The following CNTNAP3 variants were observed in gnomAD, a reference collection of about 807,000 sequenced individuals.
CNTNAP3 encodes the protein contactin associated protein family member 3, also known as contactin-associated protein-like 3.
Under a neutral mutation model 92.1 loss-of-function variants are expected in CNTNAP3, and 36 were observed. The observed-to-expected ratio is 0.39, with a 90% CI of 0.30 to 0.52. The LOEUF (loss-of-function observed/expected upper bound fraction) is 0.52, where lower values mean the gene tolerates loss of function less well. Among genes scored for constraint, CNTNAP3 ranks in the 20% least tolerant of loss-of-function variants. The probability of loss-of-function intolerance (pLI) is 0.76; values close to 1 mark genes in which losing one functional copy is unlikely to be tolerated. For missense variants in CNTNAP3, 534 were observed against 1,069.6 expected, an observed-to-expected ratio of 0.50 and a Z score of 6.98; for synonymous variants, 232 against 422.3, an observed-to-expected ratio of 0.55 and a Z score of 5.53.
At position 39,079,418 on chromosome 9, in the gene CNTNAP3, A is replaced by T. The variant is rs533457326; in HGVS notation, c.3443-498T>A. 5.9e-3 allele frequency among the ~76,000 whole-genome samples: 824 copies of T among 140,442 alleles called. 11 individuals carry two copies. The South Asian group carries it at 0.084, about 14-fold the overall frequency. The allele number at this position is 140,442 out of a possible 152,430, so 92.1% of individuals were successfully genotyped here. ...ACTGTATCTTTTGTCATCAGATAAT[A>T]TCCCTCTTTATCTCATTTAAGATTC... On this transcript the variant is annotated intron_variant, in intron 21 of 23. Coordinates refer to ENST00000297668, the MANE Select transcript of CNTNAP3 (RefSeq NM_033655.5).
At chr9:39,133,234 GA>G (rs1001896185) in intron 12 of CNTNAP3, 99 bp from the exon 13 acceptor site, 4 of 1,398,808 alleles carry the variant, frequency 2.9e-6, no homozygotes, top group Non-Finnish European at 3.9e-6. Flanking sequence ...ACGTTTAATT[GA>G]AATTTACATT....
At chr9:39,136,297 A>G (rs1399077384) in intron 12 of CNTNAP3, among the ~76,000 whole-genome samples, 1 of 152,062 alleles carries the variant, frequency 6.6e-6, no homozygotes, top group Non-Finnish European at 1.5e-5. Flanking sequence ...ATCATATGAA[A>G]TCCCCAGCAT....
chr9:39,108,395 C>T (rs1374068357), intron 15 of CNTNAP3, among the ~76,000 whole-genome samples: 2 of 152,156 alleles, frequency 1.3e-5, no homozygotes, highest in Non-Finnish European at 2.9e-5. Flanking sequence ...GACGCCACGC[C>T]ATCTGGCACA....
intron 9 of CNTNAP3, among the ~76,000 whole-genome samples, chr9:39,162,105 CTAA>C (rs1822088483): frequency 9.8e-6 from 1 of 102,510 alleles, no homozygotes. Flanking sequence ...TGACAAAGGT[CTAA>C]TGTCTGGAAT....
Position 39,259,190 on chromosome 9 carries a change from G to A in CNTNAP3, c.196+7706C>T, listed in dbSNP as rs1330938539. 8.5e-5 allele frequency among the ~76,000 whole-genome samples: 2 copies of A among 23,444 alleles called. 1 individual carries two copies. Among genetic ancestry groups the A allele is most frequent in the Non-Finnish European group, 2.0e-4 (2 of 10,174 alleles). The allele number at this position is 23,444 out of a possible 152,430, so 15.4% of individuals were successfully genotyped here. On this transcript the variant is annotated intron_variant, in intron 2 of 23. Transcript: ENST00000297668. ...ATTACAGGCGTGAACCACCGTGCCCGGTCCTGCACAGAAGTTTTTGATGTT... is the reference window on the plus strand; with the variant it reads ...ATTACAGGCGTGAACCACCGTGCCCAGTCCTGCACAGAAGTTTTTGATGTT...
rs559324503 is a variant in CNTNAP3, at chr9:39,075,140, A to G, written c.3746-1129T>C. Among the ~76,000 whole-genome samples, 26 of 152,284 alleles carry G rather than the reference A, an allele frequency of 1.7e-4. No individual in the cohort carries two copies. In the East Asian group the frequency reaches 4.8e-3, roughly 28 times the overall value. ...CCCTATTACCAAAAATATTGCAGGCATATTTATTCATTTTTTTTTTACCTG... is the reference window on the plus strand; with the variant it reads ...CCCTATTACCAAAAATATTGCAGGCGTATTTATTCATTTTTTTTTTACCTG... On this transcript the variant is annotated intron_variant, in intron 23 of 23. Transcript: ENST00000297668.
At chr9:39,152,582 TAATG>T (rs1380014041) in intron 9 of CNTNAP3, among the ~76,000 whole-genome samples, 1 of 142,684 alleles carries the variant, frequency 7.0e-6, no homozygotes, top group African/African-American at 2.7e-5. Context: ...TATTTTCCAG[TAATG>T]AATTATAGGA....
chr9:39,085,030 T>C (rs1375172920), intron 21 of CNTNAP3: 1 of 142,332 alleles, frequency 7.0e-6, no homozygotes, highest in Non-Finnish European at 1.5e-5. Context: ...TATTCAACTT[T>C]TTGATCCTAA....
intron 9 of CNTNAP3, among the ~76,000 whole-genome samples, chr9:39,150,378 T>C (rs1291880303): frequency 1.7e-5 from 2 of 117,816 alleles, no homozygotes; most frequent in African/African-American, 3.4e-5. Flanking sequence ...TTATTTAGGA[T>C]ATGCTGTGAA....
chr9:39,125,631 G>A (rs1045996420), intron 13 of CNTNAP3, among the ~76,000 whole-genome samples: 2 of 152,136 alleles, frequency 1.3e-5, no homozygotes, highest in African/African-American at 4.8e-5. Context: ...TGAAGAGCTA[G>A]AGAAAGATAT....
rs1407782520 is a variant in CNTNAP3 at position 39,087,776 on chromosome 9, A to ACGTC, written c.3220+646_3220+647insGACG. On this transcript the variant is annotated intron_variant, in intron 19 of 23. Coordinates refer to ENST00000297668, the MANE Select transcript of CNTNAP3 (RefSeq NM_033655.5). ...GCTGCGATTACAGGCGTGAGCCACCACATCCAGCCTACTCAGAGATTTTGT... is the reference window on the plus strand; with the variant it reads ...GCTGCGATTACAGGCGTGAGCCACCACGTCCATCCAGCCTACTCAGAGATTTTGT... Among the ~76,000 whole-genome samples the ACGTC allele has an allele frequency of 3.9e-5, 6 of 152,214 alleles. No individual in the cohort carries two copies. In the East Asian group the frequency reaches 1.2e-3, roughly 29 times the overall value.
rs1459908265 is a variant in CNTNAP3 at position 39,068,196 on chromosome 9, G to A, written c.*5694C>T. Reference sequence around the variant, plus strand: ...GGGCAGATCATGAGATCCAGAGATCGAGACCATCCTGGCTAACACGGTGAA... The same window carrying A: ...GGGCAGATCATGAGATCCAGAGATCAAGACCATCCTGGCTAACACGGTGAA... On this transcript the variant is annotated 3_prime_UTR_variant, in exon 24 of 24. Coordinates refer to ENST00000297668, the MANE Select transcript of CNTNAP3 (RefSeq NM_033655.5). Among the ~76,000 whole-genome samples the A allele has an allele frequency of 1.3e-5, 2 of 151,690 alleles. No individual in the cohort carries two copies. Among genetic ancestry groups the A allele is most frequent in the African/African-American group, 2.4e-5 (1 of 41,350 alleles).
Position 39,118,213 on chromosome 9 carries a change from G to C in CNTNAP3, c.2127C>G (p.His709Gln), listed in dbSNP as rs1006132200. 6.2e-7 allele frequency: 1 copy of C among 1,609,388 alleles called. No individual in the cohort carries two copies. The highest frequency in any genetic ancestry group is 1.7e-5 in the Admixed American group (1 of 58,658). ...CAGGCAGAGAACCTCCCCAGGAAGT[G>C]TGTGTTTCATTGGTTCTTCCAACCC... is the stretch of plus-strand genomic sequence containing the variant. Reference protein sequence around the residue: ...SWWVGRTNETHTSWGGSLPDA... With the variant: ...SWWVGRTNETQTSWGGSLPDA... Residue 709 changes from histidine to glutamine, a missense_variant, in exon 14 of 24, where the codon CAC becomes CAG. Transcript: ENST00000297668.
Position 39,144,291 on chromosome 9 carries a change from A to G in CNTNAP3, c.1705T>C (p.Phe569Leu), listed in dbSNP as rs528229473. Residue 569 changes from phenylalanine (F) to leucine (L), a missense_variant, in exon 11 of 24, where the codon TTC becomes CTC. Phe to Leu is a conservative substitution (Grantham distance 22). Transcript: ENST00000297668. ...CCTGTGCCTAGACAGTCACAGGAGA[A>G]GGTGTCCCACGACTGGGAACACTCG... ...GGECSQSWDT[F>L]SCDCLGTGYT... 1.3e-6 allele frequency: 2 copies of G among 1,578,020 alleles called. No homozygotes were observed. The highest frequency in any genetic ancestry group is 1.7e-6 in the Non-Finnish European group (2 of 1,161,974).
At chr9:39,141,920 G>A (rs1276984254) in intron 11 of CNTNAP3, among the ~76,000 whole-genome samples, 1 of 151,932 alleles carries the variant, frequency 6.6e-6, no homozygotes, top group Non-Finnish European at 1.5e-5. Flanking sequence ...CAATTAATTA[G>A]TTGCACATAA....
At chr9:39,133,328 T>C (rs1821349790) in intron 12 of CNTNAP3, among the ~76,000 whole-genome samples, 193 bp from the exon 13 acceptor site, 1 of 152,158 alleles carries the variant, frequency 6.6e-6, no homozygotes, top group African/African-American at 2.4e-5. Flanking sequence ...AGAAAGCATA[T>C]TGGAAGAACT....
chr9:39,128,681 C>T (rs1821205516), intron 13 of CNTNAP3, among the ~76,000 whole-genome samples: 1 of 151,760 alleles, frequency 6.6e-6, no homozygotes, highest in South Asian at 2.1e-4. Flanking sequence ...CTAGCTACTG[C>T]AATAAAGCAA....
At chr9:39,109,372 A>G (rs901028246) in intron 14 of CNTNAP3, 85 bp from the exon 15 acceptor site, 19 of 1,569,288 alleles carry the variant, frequency 1.2e-5, no homozygotes, top group East Asian at 2.3e-5. Flanking sequence ...TCAATTTGAA[A>G]CCAACATCAT....
intron 17 of CNTNAP3, among the ~76,000 whole-genome samples, chr9:39,101,771 G>T: frequency 6.6e-6 from 1 of 151,274 alleles, no homozygotes; most frequent in African/African-American, 2.4e-5. Context: ...CCACCGAGAA[G>T]TGAAACTGAA....
Sources: allele counts gnomAD v4.1 joint callset (sites outside exome capture counted in the v4.1 genomes callset), GRCh38; gene constraint gnomAD v4.1.1; transcripts MANE v1.5; gene names NCBI Gene and HGNC (gene_info 2026-07-23, HGNC 2026-07-21).